The following VWA8 variants were observed in gnomAD, a reference collection of about 807,000 sequenced individuals.
VWA8 encodes von Willebrand factor A domain containing 8.
VWA8 carries 221 observed loss-of-function variants against 241.5 expected under a neutral mutation model. That is an observed-to-expected ratio of 0.91 (90% CI 0.82 to 1.02). VWA8 has a LOEUF of 1.02. VWA8 is among the 50% of genes least tolerant of loss of function. The pLI is 0.00. For missense variants in VWA8, 2,322 were observed against 2,328.7 expected (o/e 1.00, Z 0.06); for synonymous variants, 852 against 827.1 (o/e 1.03, Z -0.52).
chr13:41,710,040 C>T (rs2045306808), intron 26 of VWA8, among the ~76,000 whole-genome samples: 2 of 152,104 alleles, frequency 1.3e-5, no homozygotes, highest in African/African-American at 4.8e-5. Flanking sequence ...ATTCATACTC[C>T]CTATATGTTG....
At chr13:41,750,196 A>G (rs1422099062) in intron 21 of VWA8, among the ~76,000 whole-genome samples, 1 of 152,038 alleles carries the variant, frequency 6.6e-6, no homozygotes, top group Non-Finnish European at 1.5e-5. Context: ...GCACTTTGGG[A>G]GGCTGAGGCG....
rs181843535 is a variant in VWA8 at position 41,782,327 on chromosome 13, G to A, written c.2277+1468C>T. On this transcript the variant is annotated intron_variant, in intron 19 of 44. Coordinates refer to ENST00000379310, the MANE Select transcript of VWA8 (RefSeq NM_015058.2). Reference sequence around the variant, plus strand: ...TCTTTTCAATCTTTGCCACCATGGAGTTTTTCAAATTGTCTTTTGTTCTTT... The same window carrying A: ...TCTTTTCAATCTTTGCCACCATGGAATTTTTCAAATTGTCTTTTGTTCTTT... 9.6e-4 allele frequency among the ~76,000 whole-genome samples: 146 copies of A among 152,276 alleles called. 1 individual carries two copies. Among genetic ancestry groups the A allele is most frequent in the Non-Finnish European group, 3.1e-4 (21 of 68,034 alleles).
At chr13:41,581,063 A>C (rs113338068) in intron 42 of VWA8, among the ~76,000 whole-genome samples, 1 of 80,318 alleles carries the variant, frequency 1.2e-5, no homozygotes, top group Non-Finnish European at 2.1e-5. Context: ...GCAGTGGCGC[A>C]ATCTCGGCTC....
In VWA8 at chr13:41,739,881, G is replaced by A. The variant is rs561408533; in HGVS notation, c.2427-7726C>T. On this transcript the variant is annotated intron_variant, in intron 21 of 44. Transcript: ENST00000379310. ...TGTTTTTTTTTTTTTTTGAGACAGA[G>A]TCTTGCTCTGTCGCCCAGGCTGGAG... Among the ~76,000 whole-genome samples, 46 of 124,400 alleles carry A rather than the reference G, an allele frequency of 3.7e-4. No homozygotes were observed. In the Middle Eastern group the frequency reaches 0.022, roughly 59 times the overall value. 81.6% of individuals were successfully genotyped at this position (124,400 alleles called of 152,430 possible).
intron 2 of VWA8, among the ~76,000 whole-genome samples, chr13:41,945,395 G>A (rs1382278151): frequency 6.6e-6 from 1 of 151,858 alleles, no homozygotes; most frequent in Non-Finnish European, 1.5e-5. Context: ...AGAAATAGGA[G>A]AGTATGGCTC....
At chr13:41,883,594 C>T in intron 8 of VWA8, 103 bp from the exon 9 acceptor site, 1 of 770,068 alleles carries the variant, frequency 1.3e-6, no homozygotes, top group Non-Finnish European at 2.1e-6. Flanking sequence ...TAAAAGTAAC[C>T]AATAGGTGTC....
intron 24 of VWA8, among the ~76,000 whole-genome samples, chr13:41,725,255 G>A (rs2045423523): frequency 6.6e-6 from 1 of 152,204 alleles, no homozygotes; most frequent in Non-Finnish European, 1.5e-5. Context: ...AGGTGAAAAG[G>A]TGGTAGGATC....
intron 2 of VWA8, among the ~76,000 whole-genome samples, chr13:41,919,498 T>C (rs1876412184): frequency 6.6e-6 from 1 of 152,118 alleles, no homozygotes; most frequent in Non-Finnish European, 1.5e-5. Flanking sequence ...GTGCATCCTG[T>C]TCCAGGGATG....
At chr13:41,612,004 T>G (rs1168136554) in intron 38 of VWA8, among the ~76,000 whole-genome samples, 12 of 152,262 alleles carry the variant, frequency 7.9e-5, no homozygotes, top group Admixed American at 4.6e-4. Context: ...ATCCATACTC[T>G]TGTGTACTAT....
chr13:41,768,794 G>A (rs897511112), intron 20 of VWA8, among the ~76,000 whole-genome samples: 5 of 152,132 alleles, frequency 3.3e-5, no homozygotes, highest in Admixed American at 2.0e-4. Flanking sequence ...AAGATGACAG[G>A]AGGGTACATC....
intron 2 of VWA8, among the ~76,000 whole-genome samples, chr13:41,925,116 T>C (rs888953581): frequency 2.0e-5 from 3 of 152,138 alleles, no homozygotes; most frequent in Non-Finnish European, 4.4e-5. Context: ...ATATTCAAAG[T>C]ACTGAAAGAA....
chr13:41,637,035 T>C (rs911615362), intron 37 of VWA8, among the ~76,000 whole-genome samples: 4 of 150,454 alleles, frequency 2.7e-5, no homozygotes, highest in African/African-American at 9.9e-5. Context: ...GAACTAGAAA[T>C]ACCATTTGAC....
intron 1 of VWA8, among the ~76,000 whole-genome samples, chr13:41,959,837 T>G (rs1878530094): frequency 6.6e-6 from 1 of 151,854 alleles, no homozygotes; most frequent in Non-Finnish European, 1.5e-5. Flanking sequence ...CTCGATCTCC[T>G]GACCCCGTGA....
chr13:41,783,151 T>G (rs1868966210), intron 19 of VWA8, among the ~76,000 whole-genome samples: 1 of 149,404 alleles, frequency 6.7e-6, no homozygotes, highest in Non-Finnish European at 1.5e-5. Context: ...CATATAAAAT[T>G]ACATATATAA....
rs140360924 is a variant in VWA8, at chr13:41,906,002, T to C, written c.483+1584A>G. ...AATGGGTTCCTTTAAAATTTGTTTA[T>C]GTGCTCTGTCTGTGAAGGATTACTT... is the stretch of plus-strand genomic sequence containing the variant. On this transcript the variant is annotated intron_variant, in intron 4 of 44. Transcript: ENST00000379310. Among the ~76,000 whole-genome samples the C allele has an allele frequency of 7.0e-4, 106 of 152,222 alleles. 2 individuals carry two copies. In the East Asian group the frequency reaches 0.02, roughly 28 times the overall value.
Position 41,778,043 on chromosome 13 carries a change from A to T in VWA8, c.2291T>A (p.Met764Lys), listed in dbSNP as rs1369252043. 1 of 1,612,018 alleles carries T rather than the reference A, an allele frequency of 6.2e-7. No individual in the cohort carries two copies. Among genetic ancestry groups the T allele is most frequent in the East Asian group, 2.2e-5 (1 of 44,672 alleles). The change falls in exon 20 of 45, where the codon ATG (methionine) becomes AAG (lysine). Residue 764 changes from methionine to lysine, a missense_variant. Coordinates refer to ENST00000379310, the MANE Select transcript of VWA8 (RefSeq NM_015058.2). ...GAGAAAGTCTTTCAGCATATCTTCC[A>T]TCACTATCACATGCTAGAGAAAAAG... ...FYDNIQHVIV[M>K]EDMLKDFLLG...
At chr13:41,909,467 A>T (rs1249715400) in intron 3 of VWA8, among the ~76,000 whole-genome samples, 1 of 152,224 alleles carries the variant, frequency 6.6e-6, no homozygotes. Flanking sequence ...GAGAGAGCAC[A>T]ATTTTGGAGT....
intron 18 of VWA8, among the ~76,000 whole-genome samples, chr13:41,784,723 TATATATACACACAC>T (rs1869085606): frequency 5.5e-5 from 4 of 72,894 alleles, no homozygotes; most frequent in East Asian, 4.3e-4. Flanking sequence ...TATATATATA[TATATATACACACAC>T]ATATATATAT....
intron 9 of VWA8, among the ~76,000 whole-genome samples, chr13:41,881,325 G>GTA (rs907736852): frequency 8.0e-6 from 1 of 125,612 alleles, no homozygotes; most frequent in Non-Finnish European, 1.6e-5. Context: ...CAATGTCCAG[G>GTA]TACTTGGTAT....
Sources: gnomAD v4.1 joint callset for allele counts (sites outside exome capture counted in the v4.1 genomes callset) on GRCh38, gnomAD v4.1.1 for gene constraint, MANE v1.5 for transcripts, NCBI Gene and HGNC (gene_info 2026-07-23, HGNC 2026-07-21) for gene names.